Variants in ERBB4 observed in about 807,000 individuals in gnomAD.
ERBB4 encodes the protein receptor tyrosine-protein kinase erbB-4.
Under a neutral mutation model 158.0 loss-of-function variants are expected in ERBB4, and 42 were observed. The observed-to-expected ratio is 0.27, with a 90% CI of 0.21 to 0.34. The LOEUF is 0.34. Ranked by LOEUF, ERBB4 falls within the 10% of genes least tolerant of loss-of-function variation. The pLI is 1.00. For synonymous variants in ERBB4, 583 were observed against 558.7 expected (o/e 1.04, Z -0.61); for missense variants, 1,333 against 1,624.1 (o/e 0.82, Z 3.08).
intron 1 of ERBB4, among the ~76,000 whole-genome samples, chr2:212,238,378 G>A (rs2083957081): frequency 6.6e-6 from 1 of 152,120 alleles, no homozygotes; most frequent in Admixed American, 6.6e-5. Flanking sequence ...ACCCTATCCT[G>A]CTTCAGCTCA....
intron 4 of ERBB4, among the ~76,000 whole-genome samples, chr2:211,754,408 T>C (rs1320666015): frequency 1.7e-5 from 1 of 59,322 alleles, no homozygotes; most frequent in Admixed American, 2.0e-4. Context: ...CAATAATCCC[T>C]TTTTTTTTTT....
At chr2:211,770,656 C>T (rs969672044) in intron 4 of ERBB4, among the ~76,000 whole-genome samples, 2 of 152,068 alleles carry the variant, frequency 1.3e-5, no homozygotes, top group African/African-American at 4.8e-5. Context: ...TTCCAGAGAC[C>T]TACTATTTCA....
intron 20 of ERBB4, among the ~76,000 whole-genome samples, chr2:211,502,878 C>A (rs1345646580): frequency 1.3e-5 from 2 of 152,136 alleles, no homozygotes; most frequent in Admixed American, 1.3e-4. Context: ...AGCTGGGATG[C>A]ACCTCCTTCA....
intron 1 of ERBB4, among the ~76,000 whole-genome samples, chr2:212,455,883 T>G (rs1200370680): frequency 6.6e-6 from 1 of 152,140 alleles, no homozygotes; most frequent in Non-Finnish European, 1.5e-5. Flanking sequence ...GAGCACTTAT[T>G]ATGTTCAAGG....
intron 1 of ERBB4, among the ~76,000 whole-genome samples, chr2:212,305,532 A>G (rs1208490697): frequency 6.6e-6 from 1 of 151,186 alleles, no homozygotes; most frequent in African/African-American, 2.4e-5. Flanking sequence ...AGAGTCATAC[A>G]TTTTCTCTAT....
intron 25 of ERBB4, among the ~76,000 whole-genome samples, chr2:211,398,950 CTCTT>C (rs1306499346): frequency 6.6e-6 from 1 of 152,148 alleles, no homozygotes; most frequent in Non-Finnish European, 1.5e-5. Flanking sequence ...CCAGCTTCAC[CTCTT>C]TCTTTGCTCT....
chr2:211,618,697 G>A (rs976882366), intron 19 of ERBB4, among the ~76,000 whole-genome samples: 1 of 152,030 alleles, frequency 6.6e-6, no homozygotes, highest in Non-Finnish European at 1.5e-5. Context: ...TTAGCACTTA[G>A]CAAATACTTT....
At chr2:212,105,793 G>A (rs1175007815) in intron 2 of ERBB4, among the ~76,000 whole-genome samples, 2 of 152,142 alleles carry the variant, frequency 1.3e-5, no homozygotes, top group African/African-American at 4.8e-5. Context: ...GAGGGACCCA[G>A]TTGGATGTAA....
In ERBB4 at chr2:211,648,132, T is replaced by C. The variant is rs114614118; in HGVS notation, c.1946+9622A>G. On this transcript the variant is annotated intron_variant, in intron 16 of 27. Coordinates refer to ENST00000342788, the MANE Select transcript of ERBB4 (RefSeq NM_005235.3). ...CCTATGCAAAATCTTCACTCAAATA[T>C]CAAATAAACGTCTCCAATTTGTTAT... Among the ~76,000 whole-genome samples, 639 of 152,012 alleles carry C rather than the reference T, an allele frequency of 4.2e-3. 3 individuals are homozygous for C. Among genetic ancestry groups the C allele is most frequent in the African/African-American group, 0.013 (552 of 41,540 alleles).
At chr2:211,844,382 C>A (rs2077544809) in intron 3 of ERBB4, among the ~76,000 whole-genome samples, 1 of 152,108 alleles carries the variant, frequency 6.6e-6, no homozygotes, top group African/African-American at 2.4e-5. Context: ...GTGTTGTGCT[C>A]ATTTAAAATA....
chr2:211,650,110 C>T (rs553531534), intron 16 of ERBB4, among the ~76,000 whole-genome samples: 1 of 151,732 alleles, frequency 6.6e-6, no homozygotes, highest in Non-Finnish European at 1.5e-5. Flanking sequence ...ATTATATTCC[C>T]CTAGTTAGAT....
At chr2:212,134,676 CTTTTTTTTTTTTTT>C (rs869141215) in intron 1 of ERBB4, among the ~76,000 whole-genome samples, 4 of 69,056 alleles carry the variant, frequency 5.8e-5, no homozygotes, top group East Asian at 4.1e-4. Flanking sequence ...TAAACACTTT[CTTTTTTTTTTTTTT>C]TTTTTTTTTT....
intron 2 of ERBB4, among the ~76,000 whole-genome samples, chr2:212,090,958 T>C (rs2078756638): frequency 6.6e-6 from 1 of 152,206 alleles, no homozygotes; most frequent in African/African-American, 2.4e-5. Context: ...ATTAATTCTT[T>C]ATCTATCTTA....
chr2:212,412,520 C>T lies in ERBB4; in HGVS notation c.82+125929G>A, dbSNP rs188284968. Among the ~76,000 whole-genome samples, 470 of 152,278 alleles carry T rather than the reference C, an allele frequency of 3.1e-3. 4 individuals carry two copies. Among genetic ancestry groups the T allele is most frequent in the African/African-American group, 0.011 (450 of 41,554 alleles). On this transcript the variant is annotated intron_variant, in intron 1 of 27. Transcript: ENST00000342788. ...GAGTAAAAGCTCCCTGAGGCCTCTC[C>T]AGAAGCTGAGCAGATGCCAGTGCTA...
At chr2:211,740,950 A>G (rs2074775396) in intron 5 of ERBB4, among the ~76,000 whole-genome samples, 1 of 152,182 alleles carries the variant, frequency 6.6e-6, no homozygotes, top group South Asian at 2.1e-4. Context: ...AATTTGAAAA[A>G]GAATATAATA....
chr2:212,331,376 C>A (rs2088162059), intron 1 of ERBB4, among the ~76,000 whole-genome samples: 1 of 151,470 alleles, frequency 6.6e-6, no homozygotes, highest in Admixed American at 6.6e-5. Context: ...GGGAATCTCG[C>A]AATGTTCTGT....
chr2:212,015,847 A>G (rs1418199496), intron 2 of ERBB4, among the ~76,000 whole-genome samples: 8 of 152,202 alleles, frequency 5.3e-5, no homozygotes. Flanking sequence ...GACCTTGAAC[A>G]GTTTTAGAAT....
intron 2 of ERBB4, among the ~76,000 whole-genome samples, chr2:212,101,506 T>C (rs1349213911): frequency 6.6e-6 from 1 of 151,604 alleles, no homozygotes; most frequent in Non-Finnish European, 1.5e-5. Context: ...ATGAAATTAG[T>C]GAGGAAACAC....
At chr2:212,471,958 C>T (rs1689137720) in intron 1 of ERBB4, among the ~76,000 whole-genome samples, 1 of 151,802 alleles carries the variant, frequency 6.6e-6, no homozygotes, top group Non-Finnish European at 1.5e-5. Flanking sequence ...GTCACAAGTA[C>T]TTGAAACTCT....
Sources: allele counts gnomAD v4.1 joint callset (sites outside exome capture counted in the v4.1 genomes callset), GRCh38; gene constraint gnomAD v4.1.1; transcripts MANE v1.5; gene names NCBI Gene and HGNC (gene_info 2026-07-23, HGNC 2026-07-21).